Variants in LTBP4 observed in about 807,000 individuals in gnomAD.
The protein encoded by LTBP4 is latent transforming growth factor beta binding protein 4.
LTBP4 carries 93 observed loss-of-function variants against 180.2 expected under a neutral mutation model. That is an observed-to-expected ratio of 0.52 (90% CI 0.44 to 0.61). The LOEUF is 0.61. Ranked by LOEUF, LTBP4 falls within the 20% of genes least tolerant of loss-of-function variation. LTBP4 has a pLI of 0.00. For synonymous variants in LTBP4, 947 were observed against 934.5 expected, an observed-to-expected ratio of 1.01 and a Z score of -0.24; for missense variants, 2,116 against 2,256.5, an observed-to-expected ratio of 0.94 and a Z score of 1.26.
chr19:40,597,112 T>C (rs898036160), upstream of LTBP4: 80 of 964,212 alleles, frequency 8.3e-5, no homozygotes, highest in Non-Finnish European at 1.0e-4. Context: ...AGCCCGTGGC[T>C]GGACTGTGGA....
intron 1 of LTBP4, 141 bp from the exon 2 acceptor site, chr19:40,604,894 C>A: frequency 1.4e-6 from 1 of 712,596 alleles, no homozygotes; most frequent in Non-Finnish European, 2.3e-6. Flanking sequence ...TGGGCCAATG[C>A]TGATGCCAGA....
chr19:40,600,864 C>T (rs1287647461), upstream of LTBP4, among the ~76,000 whole-genome samples: 2 of 152,102 alleles, frequency 1.3e-5, no homozygotes, highest in African/African-American at 2.4e-5. This position sits in a 1 kb window ranked among gnomAD's most constrained non-coding sequence, Gnocchi z 4.4. Flanking sequence ...AGGATCTAGA[C>T]GCCCAATTCC....
upstream of LTBP4, chr19:40,599,472 G>A: frequency 2.5e-6 from 4 of 1,613,840 alleles, no homozygotes; most frequent in African/African-American, 1.3e-5. Context: ...GGCCCCCAGC[G>A]GTGCCTGAAC....
At chr19:40,604,252 G>A (rs1031759233) in intron 1 of LTBP4, among the ~76,000 whole-genome samples, 1 of 152,064 alleles carries the variant, frequency 6.6e-6, no homozygotes, top group African/African-American at 2.4e-5. Context: ...AGAAGGTAAT[G>A]TGAGAGGGGC....
intron 21 of LTBP4, among the ~76,000 whole-genome samples, chr19:40,617,517 G>A (rs2081558964): frequency 6.6e-6 from 1 of 152,008 alleles, no homozygotes; most frequent in African/African-American, 2.4e-5. Flanking sequence ...GGTGGCAAAT[G>A]CCTGTAATCC....
chr19:40,598,753 G>A (rs766616328), upstream of LTBP4: 4 of 249,086 alleles, frequency 1.6e-5, no homozygotes, highest in African/African-American at 4.6e-5. Flanking sequence ...AGCTGCCGAG[G>A]CCTGTGAAAA....
exon 1 of LTBP4, chr19:40,593,180 A>G: frequency 6.2e-7 from 1 of 1,613,934 alleles, no homozygotes; most frequent in Non-Finnish European, 8.5e-7. Flanking sequence ...GAGACGTAAA[A>G]GGTGAGTGCC....
chr19:40,629,282 T>A lies in LTBP4; in HGVS notation c.4520-114T>A. On this transcript the variant is annotated intron_variant, in intron 29 of 29. Transcript: ENST00000396819. This position sits in a 1 kb window ranked among gnomAD's most constrained non-coding sequence, Gnocchi z 4.5. ...AGTTAGCAGATGGCAGAGGCCAGAT[T>A]GGACTCCAAACTGCTCAGCATCTGT... 7.2e-7 allele frequency: 1 copy of A among 1,396,260 alleles called. No individual in the cohort carries two copies. Among genetic ancestry groups the A allele is most frequent in the Non-Finnish European group, 1.0e-6 (1 of 990,984 alleles). 86.5% of individuals were successfully genotyped at this position (1,396,260 alleles called of 1,614,324 possible).
chr19:40,606,853 T>C (rs965568578), intron 6 of LTBP4, among the ~76,000 whole-genome samples: 1 of 152,184 alleles, frequency 6.6e-6, no homozygotes, highest in African/African-American at 2.4e-5. Context: ...TTTCAAGTGA[T>C]TCTCCTGCCT....
chr19:40,606,159 C>T (rs2081459765), intron 4 of LTBP4, 74 bp from the exon 5 acceptor site: 1 of 1,328,364 alleles, frequency 7.5e-7, no homozygotes, highest in African/African-American at 1.5e-5. Flanking sequence ...CCCTCCCACC[C>T]CGTCTTCGTC....
intron 15 of LTBP4, among the ~76,000 whole-genome samples, chr19:40,612,746 G>A (rs965367856): frequency 2.6e-5 from 4 of 152,114 alleles, no homozygotes; most frequent in Admixed American, 2.0e-4. Flanking sequence ...TGGCTCAGCC[G>A]AATCCCATCC....
intron 21 of LTBP4, among the ~76,000 whole-genome samples, chr19:40,618,169 T>A (rs1274333548): frequency 6.6e-6 from 1 of 151,758 alleles, no homozygotes; most frequent in Non-Finnish European, 1.5e-5. Flanking sequence ...GCTCAAGCCA[T>A]CCTCCCTCCA....
intron 11 of LTBP4, 198 bp downstream of exon 11, chr19:40,610,069 C>A: frequency 1.5e-6 from 1 of 683,696 alleles, no homozygotes; most frequent in Non-Finnish European, 2.3e-6. Flanking sequence ...CCCTACCCAG[C>A]TCCCAAACTG....
At position 40,622,351 on chromosome 19, in the gene LTBP4, C is replaced by T. The variant is rs545486934; in HGVS notation, c.3218-50C>T. ...TCAGTTTCCCCATCTATGATAGTGG[C>T]GGGGCTGGGGATTCAGCCCACACTG... On this transcript the variant is annotated intron_variant, in intron 22 of 29. Coordinates refer to ENST00000396819, the MANE Select transcript of LTBP4 (RefSeq NM_001042545.2). The surrounding 1 kb of genome is among the most constrained non-coding windows in gnomAD (Gnocchi z 5.1). 3 of 1,453,830 alleles carry T rather than the reference C, an allele frequency of 2.1e-6. No individual in the cohort carries two copies. The highest frequency in any genetic ancestry group is 2.7e-6 in the Non-Finnish European group (3 of 1,093,752). The allele number at this position is 1,453,830 out of a possible 1,614,324, so 90.1% of individuals were successfully genotyped here.
In LTBP4 at chr19:40,613,320, T is replaced by C. The variant is rs2146032531; in HGVS notation, c.2432-84T>C. 6.4e-7 allele frequency: 1 copy of C among 1,551,382 alleles called. No homozygotes were observed. Among genetic ancestry groups the C allele is most frequent in the Non-Finnish European group, 8.7e-7 (1 of 1,147,116 alleles). On this transcript the variant is annotated intron_variant, in intron 16 of 29. Coordinates refer to ENST00000396819, the MANE Select transcript of LTBP4 (RefSeq NM_001042545.2). The surrounding 1 kb of genome is among the most constrained non-coding windows in gnomAD (Gnocchi z 5.0). ...GAGGAGCTTAGAAACCTGGCATTGG[T>C]GGGGGCGGGGTTACTGCGATGTGGG...
chr19:40,596,052 C>G (rs1326962568), intron 1 of LTBP4, among the ~76,000 whole-genome samples: 1 of 151,254 alleles, frequency 6.6e-6, no homozygotes, highest in Non-Finnish European at 1.5e-5. Context: ...TCCCGAGTCG[C>G]TGGGATTACA....
Position 40,601,542 on chromosome 19 carries a change from C to G in LTBP4, c.155C>G (p.Ser52Cys). Residue 52 changes from serine to cysteine, a missense_variant, in exon 1 of 30, where the codon TCC (serine) becomes TGC (cysteine). Coordinates refer to ENST00000396819, the MANE Select transcript of LTBP4 (RefSeq NM_001042545.2). ...CGCTGCGTCCATGGGCCGACCGGCT[C>G]CCGCTGTACCCCGACCTGCGCGCCC... ...GLRCVHGPTG[S>C]RCTPTCAPRN... The G allele has an allele frequency of 6.7e-7, 1 of 1,487,576 alleles. No homozygotes were observed. The highest frequency in any genetic ancestry group is 8.9e-7 in the Non-Finnish European group (1 of 1,125,518). The allele number at this position is 1,487,576 out of a possible 1,614,324, so 92.1% of individuals were successfully genotyped here.
chr19:40,610,127 C>T (rs2081494546), intron 11 of LTBP4: 5 of 526,696 alleles, frequency 9.5e-6, no homozygotes, highest in South Asian at 3.2e-5. Context: ...TCCGCCCCCA[C>T]GCCCAGGCCC....
Position 40,613,748 on chromosome 19 carries a change from C to A in LTBP4, c.2558-168C>A. On this transcript the variant is annotated intron_variant, in intron 17 of 29. Coordinates refer to ENST00000396819, the MANE Select transcript of LTBP4 (RefSeq NM_001042545.2). This position sits in a 1 kb window ranked among gnomAD's most constrained non-coding sequence, Gnocchi z 5.0. ...TATTTGGACCGTGATTGTAAAGAAG[C>A]TGTTCTAAACCCGTCGGGGGGCGGT... 3 of 1,246,108 alleles carry A rather than the reference C, an allele frequency of 2.4e-6. No individual in the cohort carries two copies. Among genetic ancestry groups the A allele is most frequent in the Non-Finnish European group, 3.4e-6 (3 of 885,898 alleles). 77.2% of individuals were successfully genotyped at this position (1,246,108 alleles called of 1,614,324 possible). A position where few individuals can be genotyped will look rare whatever the true frequency, so the allele number is the denominator to read the frequency against.
Sources: allele counts gnomAD v4.1 joint callset (sites outside exome capture counted in the v4.1 genomes callset), GRCh38; gene constraint gnomAD v4.1.1; non-coding constraint Gnocchi (gnomAD v3.1); transcripts MANE v1.5; gene names NCBI Gene and HGNC (gene_info 2026-07-23, HGNC 2026-07-21).